Variants in RMST observed in about 807,000 individuals in gnomAD.
RMST encodes the protein long intergenic non-protein coding RNA 54.
chr12:97,525,726 T>C (rs17027122), intron 10 of RMST, among the ~76,000 whole-genome samples: 18,071 of 152,090 alleles, frequency 0.12, 1,375 homozygotes, highest in East Asian at 0.3. Flanking sequence ...AAAAGGGTAA[T>C]ATACCAGGGG....
At chr12:97,528,220 G>T (rs1413613947) in intron 10 of RMST, among the ~76,000 whole-genome samples, 2 of 152,066 alleles carry the variant, frequency 1.3e-5, no homozygotes, top group Non-Finnish European at 2.9e-5. Context: ...TCTCCATCCA[G>T]TCTTTCTTCA....
At chr12:97,511,677 T>C (rs1198949105) in intron 10 of RMST, among the ~76,000 whole-genome samples, 1 of 152,074 alleles carries the variant, frequency 6.6e-6, no homozygotes, top group African/African-American at 2.4e-5. Context: ...ATGTAGGAAG[T>C]AAGTACTATT....
intron 13 of RMST, among the ~76,000 whole-genome samples, chr12:97,561,904 T>C (rs987299597): frequency 2.0e-5 from 3 of 152,114 alleles, no homozygotes; most frequent in African/African-American, 4.8e-5. Flanking sequence ...TAATCAATAA[T>C]AACATTCTTC....
At chr12:97,469,045 C>A (rs1225553354) in intron 5 of RMST, among the ~76,000 whole-genome samples, 5 of 151,594 alleles carry the variant, frequency 3.3e-5, no homozygotes, top group Admixed American at 3.3e-4. Flanking sequence ...ATATATTTCT[C>A]TTTTCTACTC....
intron 11 of RMST, among the ~76,000 whole-genome samples, chr12:97,535,609 T>C (rs546041628): frequency 6.6e-6 from 1 of 151,790 alleles, no homozygotes; most frequent in South Asian, 2.1e-4. Context: ...CAGCCTGGTT[T>C]AGGAGCTGGT....
intron 11 of RMST, among the ~76,000 whole-genome samples, chr12:97,537,898 T>C (rs1303186294): frequency 6.6e-6 from 1 of 151,460 alleles, no homozygotes; most frequent in African/African-American, 2.4e-5. Flanking sequence ...GATATATTCA[T>C]GTGTTTTTTT....
chr12:97,561,028 T>G (rs1187068663), exon 13 of RMST: 1 of 152,332 alleles, frequency 6.6e-6, no homozygotes, highest in Non-Finnish European at 1.5e-5. Flanking sequence ...AAGGGGCTAG[T>G]TGAGGAATGG....
At chr12:97,519,780 T>C (rs1880322081) in intron 10 of RMST, among the ~76,000 whole-genome samples, 1 of 152,204 alleles carries the variant, frequency 6.6e-6, no homozygotes, top group Non-Finnish European at 1.5e-5. Context: ...ACTATAGTTA[T>C]AGAACCAGCT....
chr12:97,463,017 G>GGCTCTCTCTCTCTC (rs776237347), intron 3 of RMST: 1 of 129,898 alleles, frequency 7.7e-6, no homozygotes, highest in Non-Finnish European at 1.7e-5. Flanking sequence ...CAAGTCAGCA[G>GGCTCTCTCTCTCTC]TCTCTCTCTC....
chr12:97,522,938 G>C (rs1317804675), intron 10 of RMST, among the ~76,000 whole-genome samples: 1 of 152,070 alleles, frequency 6.6e-6, no homozygotes, highest in Non-Finnish European at 1.5e-5. Flanking sequence ...TTTTTTCATG[G>C]GTTATCCTCC....
At chr12:97,553,949 CTTT>C (rs756008010) in intron 11 of RMST, among the ~76,000 whole-genome samples, 29 of 120,280 alleles carry the variant, frequency 2.4e-4, no homozygotes, top group Non-Finnish European at 3.9e-4. Context: ...TTTTCTTTCT[CTTT>C]TTTTTTTTTT....
intron 5 of RMST, among the ~76,000 whole-genome samples, chr12:97,479,506 G>A (rs1874971929): frequency 6.6e-6 from 1 of 151,992 alleles, no homozygotes; most frequent in Non-Finnish European, 1.5e-5. Context: ...CCTTACTACT[G>A]ATGAACCAGT....
chr12:97,512,728 T>A (rs1248817008), intron 10 of RMST, among the ~76,000 whole-genome samples: 2 of 152,192 alleles, frequency 1.3e-5, no homozygotes, highest in Non-Finnish European at 2.9e-5. Flanking sequence ...CTTTACCCAG[T>A]GGATCCCGCA....
intron 11 of RMST, among the ~76,000 whole-genome samples, chr12:97,554,671 C>T (rs1883568041): frequency 7.9e-5 from 12 of 152,102 alleles, no homozygotes. Context: ...TATTTCTACC[C>T]TCGTTGCCAA....
rs558476675 is a variant in RMST at position 97,506,722 on chromosome 12, C to T, written n.1340+10666C>T. Among the ~76,000 whole-genome samples, 4 of 119,320 alleles carry T rather than the reference C, an allele frequency of 3.4e-5. No individual in the cohort carries two copies. In the East Asian group the frequency reaches 1.0e-3, roughly 30 times the overall value. The allele number at this position is 119,320 out of a possible 152,430, so 78.3% of individuals were successfully genotyped here. ...TTTTGGAGATGTAGTCTTGCTCTGT[C>T]ACCCAGGGTGGAGTGCAATGGCGCA... On this transcript the variant is annotated intron_variant and non_coding_transcript_variant, in intron 10 of 13. Transcript: ENST00000640149.
chr12:97,495,159 G>T (rs1877250300), intron 9 of RMST, among the ~76,000 whole-genome samples: 2 of 122,864 alleles, frequency 1.6e-5, no homozygotes, highest in East Asian at 2.1e-4. Context: ...TATAAATTAT[G>T]TACATCATTA....
intron 10 of RMST, among the ~76,000 whole-genome samples, chr12:97,506,169 C>CA (rs1878640090): frequency 6.8e-6 from 1 of 147,306 alleles, no homozygotes; most frequent in South Asian, 2.1e-4. Context: ...TATTACAGTA[C>CA]AATTAAAAGG....
intron 10 of RMST, among the ~76,000 whole-genome samples, chr12:97,506,675 G>GTTTT (rs780505590): frequency 4.7e-4 from 36 of 76,944 alleles, no homozygotes; most frequent in South Asian, 1.0e-3. Context: ...AGGGTAATCT[G>GTTTT]TTTTTTTTTT....
intron 5 of RMST, among the ~76,000 whole-genome samples, chr12:97,474,627 A>G (rs1373291640): frequency 4.7e-5 from 7 of 150,490 alleles, no homozygotes; most frequent in Non-Finnish European, 1.0e-4. Flanking sequence ...AAGAAGCCAA[A>G]AAAAAAAAAA....
Sources: allele counts gnomAD v4.1 joint callset (sites outside exome capture counted in the v4.1 genomes callset), GRCh38; gene constraint gnomAD v4.1.1; transcripts MANE v1.5; gene names NCBI Gene and HGNC (gene_info 2026-07-23, HGNC 2026-07-21).